ZSWIM6: variants seen among roughly 807,000 people sequenced by gnomAD.
ZSWIM6 encodes the protein zinc finger SWIM domain-containing protein 6.
A neutral mutation model predicts 113.2 loss-of-function variants in ZSWIM6; 9 were observed. The observed-to-expected ratio is 0.08, with a 90% confidence interval of 0.05 to 0.14. ZSWIM6 has a LOEUF of 0.14. ZSWIM6 is among the 10% of genes least tolerant of loss of function. ZSWIM6 has a pLI of 1.00. For missense variants in ZSWIM6, 1,162 were observed against 1,552.2 expected, an observed-to-expected ratio of 0.75 and a Z score of 4.22; for synonymous variants, 611 against 606.5, an observed-to-expected ratio of 1.01 and a Z score of -0.11.
At chr5:61,350,650 C>G (rs1445901270) in intron 1 of ZSWIM6, among the ~76,000 whole-genome samples, 1 of 152,156 alleles carries the variant, frequency 6.6e-6, no homozygotes, top group African/African-American at 2.4e-5. Context: ...GTACTGCTTT[C>G]ATTTTAGGTA....
At chr5:61,438,342 C>A (rs957744744) in intron 1 of ZSWIM6, among the ~76,000 whole-genome samples, 2 of 152,200 alleles carry the variant, frequency 1.3e-5, no homozygotes, top group Non-Finnish European at 2.9e-5. Context: ...CTTCTGCTTT[C>A]TTCCCCCACC....
At chr5:61,420,537 A>G (rs971286043) in intron 1 of ZSWIM6, among the ~76,000 whole-genome samples, 3 of 152,038 alleles carry the variant, frequency 2.0e-5, no homozygotes, top group African/African-American at 7.2e-5. Context: ...GGTGTTAAGC[A>G]TTATCCATGT....
chr5:61,525,721 C>G, intron 5 of ZSWIM6, 79 bp from the exon 6 acceptor site: 1 of 1,493,478 alleles, frequency 6.7e-7, no homozygotes, highest in Non-Finnish European at 9.0e-7. Context: ...TCATGAACAT[C>G]TGGCCACAGA....
At chr5:61,372,178 A>G (rs147033606) in intron 1 of ZSWIM6, among the ~76,000 whole-genome samples, 213 of 152,010 alleles carry the variant, frequency 1.4e-3, no homozygotes, top group African/African-American at 4.9e-3. Flanking sequence ...TTCCCTTTCT[A>G]CCATTGCGCA....
chr5:61,445,254 CCA>C (rs1746926652), intron 1 of ZSWIM6, among the ~76,000 whole-genome samples: 2 of 151,974 alleles, frequency 1.3e-5, no homozygotes, highest in South Asian at 4.1e-4. Context: ...AATGTAAATA[CCA>C]GTCTTGGAAA....
intron 1 of ZSWIM6, among the ~76,000 whole-genome samples, chr5:61,365,368 A>G (rs1175038839): frequency 6.6e-6 from 1 of 150,482 alleles, no homozygotes; most frequent in Non-Finnish European, 1.5e-5. Context: ...AAAAAATTAT[A>G]TATATATATT....
intron 1 of ZSWIM6, among the ~76,000 whole-genome samples, chr5:61,358,368 A>G (rs1744963606): frequency 6.6e-6 from 1 of 152,164 alleles, no homozygotes; most frequent in Non-Finnish European, 1.5e-5. Flanking sequence ...GTAGTATTTA[A>G]CTGCTGTTAT....
At chr5:61,493,530 A>G (rs1017568666) in intron 3 of ZSWIM6, among the ~76,000 whole-genome samples, 8 of 152,148 alleles carry the variant, frequency 5.3e-5, no homozygotes, top group Non-Finnish European at 1.2e-4. Flanking sequence ...TGAGTTCTCA[A>G]TGGACTCTGC....
chr5:61,510,379 A>G (rs920432858), intron 4 of ZSWIM6, among the ~76,000 whole-genome samples: 57 of 151,978 alleles, frequency 3.8e-4, no homozygotes, highest in Admixed American at 7.9e-4. Context: ...ATGGCTTGCC[A>G]TGACTATTAG....
intron 1 of ZSWIM6, among the ~76,000 whole-genome samples, chr5:61,353,850 A>G (rs924151270): frequency 2.0e-5 from 3 of 152,238 alleles, no homozygotes; most frequent in Non-Finnish European, 4.4e-5. Flanking sequence ...GAAACAGATG[A>G]GTATAACAAG....
Position 61,537,817 on chromosome 5 carries a change from C to T in ZSWIM6, c.2382-997C>T, listed in dbSNP as rs577198440. Among the ~76,000 whole-genome samples, 15 of 152,080 alleles carry T rather than the reference C, an allele frequency of 9.9e-5. No individual in the cohort carries two copies. In the East Asian group the frequency reaches 2.1e-3, roughly 22 times the overall value. On this transcript the variant is annotated intron_variant, in intron 10 of 13. Coordinates refer to ENST00000252744, the MANE Select transcript of ZSWIM6 (RefSeq NM_020928.2). ...AACACTGGTGTACTTGACTGAAGGC[C>T]GGCATTTTGATGGTTGTAAATAAAT...
intron 1 of ZSWIM6, among the ~76,000 whole-genome samples, chr5:61,343,476 T>C (rs756486682): frequency 6.6e-6 from 1 of 152,214 alleles, no homozygotes; most frequent in Non-Finnish European, 1.5e-5. Context: ...GTAATTACAA[T>C]CAGTACAGAT....
chr5:61,512,478 C>A (rs1030919289), intron 4 of ZSWIM6, among the ~76,000 whole-genome samples: 14 of 152,052 alleles, frequency 9.2e-5, no homozygotes, highest in African/African-American at 3.1e-4. Context: ...TTGGGCAAAT[C>A]CCTAAGAGTG....
chr5:61,497,601 C>CA (rs200846718), intron 4 of ZSWIM6, among the ~76,000 whole-genome samples: 4,986 of 152,194 alleles, frequency 0.033, 262 homozygotes, highest in African/African-American at 0.11. Context: ...CTGTTTATTG[C>CA]ATCTCATTTA....
At chr5:61,453,590 G>T (rs535236637) in intron 1 of ZSWIM6, among the ~76,000 whole-genome samples, 70 of 151,818 alleles carry the variant, frequency 4.6e-4, no homozygotes, top group South Asian at 2.1e-3. Flanking sequence ...TGTCCAGGCT[G>T]GTCTCAAACT....
intron 2 of ZSWIM6, among the ~76,000 whole-genome samples, chr5:61,486,594 C>T (rs1053217991): frequency 6.6e-6 from 1 of 152,102 alleles, no homozygotes; most frequent in Non-Finnish European, 1.5e-5. Context: ...TCTACATCCT[C>T]ACCAACATCT....
At chr5:61,390,660 TC>T (rs1736038943) in intron 1 of ZSWIM6, 5 of 823,930 alleles carry the variant, frequency 6.1e-6, no homozygotes, top group African/African-American at 3.3e-5. Flanking sequence ...CAAAAACTGT[TC>T]CTGGCATTAA....
At chr5:61,526,478 C>G in intron 7 of ZSWIM6, 82 bp downstream of exon 7, 7 of 1,449,234 alleles carry the variant, frequency 4.8e-6, no homozygotes, top group Non-Finnish European at 6.5e-6. Flanking sequence ...GGAGAGATGG[C>G]TTTTAGAACT....
At chr5:61,490,685 T>G in intron 2 of ZSWIM6, 101 bp from the exon 3 acceptor site, 2 of 1,170,002 alleles carry the variant, frequency 1.7e-6, no homozygotes, top group Non-Finnish European at 2.3e-6. Context: ...TAATTGAAAT[T>G]GAGATTGAAT....
Sources: allele counts gnomAD v4.1 joint callset (sites outside exome capture counted in the v4.1 genomes callset), GRCh38; gene constraint gnomAD v4.1.1; transcripts MANE v1.5; gene names NCBI Gene and HGNC (gene_info 2026-07-23, HGNC 2026-07-21).